The following CHCHD6 variants were observed in gnomAD, a reference collection of about 807,000 sequenced individuals.
CHCHD6 encodes coiled-coil-helix-coiled-coil-helix domain containing 6, also known as MICOS complex subunit MIC25.
CHCHD6 carries 28 observed loss-of-function variants against 32.3 expected under a neutral mutation model. The ratio of observed to expected loss-of-function variants is 0.87; its 90% CI spans 0.64 to 1.19. CHCHD6 has a LOEUF of 1.19. Ranked by LOEUF, CHCHD6 falls within the 50% of genes most tolerant of loss-of-function variation. The pLI is 0.00. For missense variants in CHCHD6, 333 were observed against 307.0 expected (o/e 1.08, Z -0.63); for synonymous variants, 122 against 117.5 (o/e 1.04, Z -0.25).
Position 126,852,708 on chromosome 3 carries a change from A to G in CHCHD6, c.473A>G (p.Gln158Arg), listed in dbSNP as rs200155572. 2 of 1,613,362 alleles carry G rather than the reference A, an allele frequency of 1.2e-6. No individual in the cohort carries two copies. The highest frequency in any genetic ancestry group is 4.5e-5 in the East Asian group (2 of 44,834). ...CGCCGTGACACCTTCTACAAGGAGC[A>G]GCTGGAGCGTATTGAGAGGAAGGTA... ...LRRRDTFYKE[Q>R]LERIERKNAE... is the part of the protein sequence containing the mutation. Residue 158 changes from glutamine (Q) to arginine (R), a missense_variant, in exon 5 of 8, where the codon CAG becomes CGG. By Grantham distance (43) the Gln-to-Arg change is conservative (BLOSUM62 1). Transcript: ENST00000290913.
At chr3:126,957,037 A>C in intron 6 of CHCHD6, 1 of 274,578 alleles carries the variant, frequency 3.6e-6, no homozygotes, top group South Asian at 5.4e-5. Flanking sequence ...AGGGATGGCT[A>C]TCCTGGGCAC....
At chr3:126,738,653 A>G (rs544830320) in intron 4 of CHCHD6, among the ~76,000 whole-genome samples, 2 of 152,254 alleles carry the variant, frequency 1.3e-5, no homozygotes, top group East Asian at 3.9e-4. Flanking sequence ...TACTGCTTTG[A>G]AGCCCGCTGT....
chr3:126,808,616 A>G (rs1939519332), intron 4 of CHCHD6, among the ~76,000 whole-genome samples: 2 of 152,218 alleles, frequency 1.3e-5, no homozygotes, highest in Non-Finnish European at 2.9e-5. Context: ...GGTCCTGGGA[A>G]TTTAACCATG....
chr3:126,834,747 A>T (rs927575202), intron 4 of CHCHD6, among the ~76,000 whole-genome samples: 2 of 152,188 alleles, frequency 1.3e-5, no homozygotes, highest in African/African-American at 4.8e-5. Context: ...CCACTTAGAT[A>T]TAGGACAGCT....
At chr3:126,924,710 A>G (rs1158185459) in intron 6 of CHCHD6, among the ~76,000 whole-genome samples, 2 of 152,228 alleles carry the variant, frequency 1.3e-5, no homozygotes, top group Non-Finnish European at 1.5e-5. Flanking sequence ...TGGTTTTGAA[A>G]TGTCCTTTAA....
intron 5 of CHCHD6, among the ~76,000 whole-genome samples, chr3:126,910,363 C>T (rs1288114154): frequency 6.6e-6 from 1 of 151,880 alleles, no homozygotes; most frequent in South Asian, 2.1e-4. Flanking sequence ...CCATGAGGTG[C>T]AGTCCAAGCT....
Position 126,932,453 on chromosome 3 carries a change from C to T in CHCHD6, c.566+17703C>T, listed in dbSNP as rs186048315. 1.7e-3 allele frequency among the ~76,000 whole-genome samples: 257 copies of T among 152,356 alleles called. 2 individuals are homozygous for T. The highest frequency in any genetic ancestry group is 6.0e-3 in the African/African-American group (249 of 41,586). On this transcript the variant is annotated intron_variant, in intron 6 of 7. Transcript: ENST00000290913. The stretch of plus-strand genomic sequence containing the variant: ...CCCAGGAAATCCCCCCAGGGAAAGC[C>T]TCTAAATCCATCCTGACTTCTGAAC...
intron 5 of CHCHD6, among the ~76,000 whole-genome samples, chr3:126,908,417 A>G (rs937214484): frequency 6.6e-6 from 1 of 152,244 alleles, no homozygotes; most frequent in Non-Finnish European, 1.5e-5. Context: ...AATAGTGGGA[A>G]TCAGCAAACT....
intron 2 of CHCHD6, 47 bp from the exon 3 acceptor site, chr3:126,730,514 G>A: frequency 6.5e-7 from 1 of 1,546,988 alleles, no homozygotes. Flanking sequence ...TGACTTCGTG[G>A]ACCCTGGGGT....
chr3:126,806,046 T>G (rs1254587222), intron 4 of CHCHD6, among the ~76,000 whole-genome samples: 2 of 152,270 alleles, frequency 1.3e-5, no homozygotes, highest in Admixed American at 6.5e-5. Flanking sequence ...ATACAAAAAT[T>G]AATTCAAGAT....
chr3:126,841,366 C>T (rs73203616), intron 4 of CHCHD6, among the ~76,000 whole-genome samples: 1,606 of 152,210 alleles, frequency 0.011, 11 homozygotes, highest in Middle Eastern at 0.017. Flanking sequence ...GACTTGACCA[C>T]GGTCACTCAA....
chr3:126,795,654 G>T (rs1444380701), intron 4 of CHCHD6, among the ~76,000 whole-genome samples: 1 of 152,100 alleles, frequency 6.6e-6, no homozygotes, highest in Admixed American at 6.5e-5. Flanking sequence ...GGTTTTCTGG[G>T]TTGGTGTCAT....
chr3:126,775,793 AG>A (rs2107678871), intron 4 of CHCHD6, among the ~76,000 whole-genome samples: 1 of 152,364 alleles, frequency 6.6e-6, no homozygotes, highest in Admixed American at 6.5e-5. Flanking sequence ...GAAAAACTGC[AG>A]GCTCAAATCA....
At chr3:126,763,292 CTTTTTCCCCCTCTTCTCCCCT>C in intron 4 of CHCHD6, among the ~76,000 whole-genome samples, 1 of 133,370 alleles carries the variant, frequency 7.5e-6, no homozygotes, top group East Asian at 2.9e-4. Context: ...CCTCTTCTCC[CTTTTTCCCCCTCTTCTCCCCT>C]TTTTCCCCCT....
At chr3:126,766,447 C>A in intron 4 of CHCHD6, 2 of 664,074 alleles carry the variant, frequency 3.0e-6, no homozygotes, top group Admixed American at 1.9e-5. Flanking sequence ...AAGGGTTTGG[C>A]GGTTGTATTC....
chr3:126,878,590 A>G (rs1015324666), intron 5 of CHCHD6, among the ~76,000 whole-genome samples: 2 of 152,252 alleles, frequency 1.3e-5, no homozygotes, highest in African/African-American at 4.8e-5. Flanking sequence ...ATGGAAAGTA[A>G]GGAAAGGAAA....
chr3:126,897,734 C>A (rs2077861512), intron 5 of CHCHD6, among the ~76,000 whole-genome samples: 2 of 152,218 alleles, frequency 1.3e-5, no homozygotes, highest in Non-Finnish European at 2.9e-5. Flanking sequence ...AACCTCTAGC[C>A]ATTCTGACCT....
At chr3:126,753,721 G>A (rs1936830556) in intron 4 of CHCHD6, among the ~76,000 whole-genome samples, 1 of 152,210 alleles carries the variant, frequency 6.6e-6, no homozygotes, top group African/African-American at 2.4e-5. Flanking sequence ...GCAGCAGTGG[G>A]TGAAGAGAGG....
At chr3:126,887,634 C>T (rs2077696506) in intron 5 of CHCHD6, among the ~76,000 whole-genome samples, 1 of 152,148 alleles carries the variant, frequency 6.6e-6, no homozygotes, top group Admixed American at 6.5e-5. Flanking sequence ...CTCGGGCCTC[C>T]TATTCCCATC....
Sources: gnomAD v4.1 joint callset for allele counts (sites outside exome capture counted in the v4.1 genomes callset) on GRCh38, gnomAD v4.1.1 for gene constraint, MANE v1.5 for transcripts, NCBI Gene and HGNC (gene_info 2026-07-23, HGNC 2026-07-21) for gene names.